Variants in MSH3 observed in about 807,000 individuals in gnomAD.
MSH3 encodes mutS homolog 3.
MSH3 carries 106 observed loss-of-function variants against 123.3 expected under a neutral mutation model. The observed-to-expected ratio is 0.86, with a 90% CI of 0.73 to 1.01. MSH3 has a LOEUF of 1.01. Among genes scored for constraint, MSH3 ranks in the 50% least tolerant of loss-of-function variants. The pLI is 0.00. For missense variants in MSH3, 1,459 were observed against 1,347.6 expected, an observed-to-expected ratio of 1.08 and a Z score of -1.29; for synonymous variants, 515 against 481.4, an observed-to-expected ratio of 1.07 and a Z score of -0.91.
intron 8 of MSH3, among the ~76,000 whole-genome samples, 197 bp downstream of exon 8, chr5:80,679,290 G>A (rs1160085671): frequency 6.6e-6 from 1 of 152,070 alleles, no homozygotes; most frequent in Admixed American, 6.6e-5. Context: ...TCAGCCACTT[G>A]GGAGGCTGAG....
chr5:80,672,418 C>A, intron 5 of MSH3, 58 bp downstream of exon 5: 1 of 1,299,602 alleles, frequency 7.7e-7, no homozygotes, highest in Non-Finnish European at 1.1e-6. Context: ...CCAGAGAGTG[C>A]AAACGTGTTT....
chr5:80,861,695 C>T (rs12522132), intron 21 of MSH3, among the ~76,000 whole-genome samples: 23,867 of 152,092 alleles, frequency 0.16, 1,962 homozygotes, highest in East Asian at 0.24. Context: ...GGTTCCCCTG[C>T]ACTTTTTGAC....
intron 19 of MSH3, among the ~76,000 whole-genome samples, chr5:80,803,641 A>G (rs1393833467): frequency 1.3e-5 from 2 of 151,712 alleles, no homozygotes; most frequent in Admixed American, 6.6e-5. Flanking sequence ...TTTCTCAAGA[A>G]GTTATTGCCC....
Position 80,782,154 on chromosome 5 carries a change from A to G in MSH3, c.2435+3318A>G, listed in dbSNP as rs547220192. 1.2e-4 allele frequency among the ~76,000 whole-genome samples: 19 copies of G among 152,282 alleles called. 1 individual carries two copies. In the East Asian group the frequency reaches 2.5e-3, roughly 20 times the overall value. ...TATACATATGAACATACATACATAT[A>G]TATATGTATATGTAGACTCAAAATG... On this transcript the variant is annotated intron_variant, in intron 17 of 23. Coordinates refer to ENST00000265081, the MANE Select transcript of MSH3 (RefSeq NM_002439.5).
At chr5:80,750,007 C>G (rs983049733) in intron 12 of MSH3, among the ~76,000 whole-genome samples, 1 of 150,262 alleles carries the variant, frequency 6.7e-6, no homozygotes, top group Non-Finnish European at 1.5e-5. Flanking sequence ...GCATTATGTC[C>G]TCTAGGTTCA....
intron 13 of MSH3, among the ~76,000 whole-genome samples, chr5:80,765,375 C>G (rs1483870712): frequency 1.3e-5 from 2 of 152,102 alleles, no homozygotes; most frequent in Non-Finnish European, 2.9e-5. Context: ...TTTAAACAGT[C>G]CAGCTTCCTG....
At chr5:80,786,330 T>C (rs1744508827) in intron 17 of MSH3, among the ~76,000 whole-genome samples, 1 of 152,154 alleles carries the variant, frequency 6.6e-6, no homozygotes, top group Non-Finnish European at 1.5e-5. Flanking sequence ...AACTGCTTTT[T>C]CTCTCTGAAC....
At chr5:80,874,854 A>G (rs1252906454) in intron 23 of MSH3, among the ~76,000 whole-genome samples, 1 of 152,262 alleles carries the variant, frequency 6.6e-6, no homozygotes, top group Non-Finnish European at 1.5e-5. Context: ...CTATGAAGTT[A>G]TCTTGACAAG....
chr5:80,691,125 T>C (rs1182205502), intron 8 of MSH3, among the ~76,000 whole-genome samples: 2 of 152,028 alleles, frequency 1.3e-5, no homozygotes, highest in Non-Finnish European at 2.9e-5. Context: ...AACTGAAAAG[T>C]AGTTAATATT....
rs191567529 is a variant in MSH3 at position 80,803,197 on chromosome 5, G to A, written c.2655+10353G>A. On this transcript the variant is annotated intron_variant, in intron 19 of 23. Coordinates refer to ENST00000265081, the MANE Select transcript of MSH3 (RefSeq NM_002439.5). Reference sequence around the variant, plus strand: ...GTTGTACTAACTTACGTTCCTACCAGTAGTGTACAAGAGTTACCTTTTCTC... The same window carrying A: ...GTTGTACTAACTTACGTTCCTACCAATAGTGTACAAGAGTTACCTTTTCTC... Among the ~76,000 whole-genome samples the A allele has an allele frequency of 3.0e-4, 45 of 152,202 alleles. 1 individual carries two copies. The East Asian group carries it at 7.0e-3, about 24-fold the overall frequency.
intron 8 of MSH3, among the ~76,000 whole-genome samples, chr5:80,712,655 G>A (rs1052040655): frequency 1.3e-5 from 2 of 150,656 alleles, no homozygotes; most frequent in African/African-American, 2.4e-5. Context: ...GGTGAATTTA[G>A]CCCTTTAATA....
At chr5:80,680,749 C>T (rs1225598426) in intron 8 of MSH3, among the ~76,000 whole-genome samples, 1 of 152,062 alleles carries the variant, frequency 6.6e-6, no homozygotes, top group Non-Finnish European at 1.5e-5. Context: ...TTTCTCTCTC[C>T]CTTGATTATT....
At chr5:80,784,246 T>G (rs857285) in intron 17 of MSH3, among the ~76,000 whole-genome samples, 13 of 99,910 alleles carry the variant, frequency 1.3e-4, no homozygotes, top group Middle Eastern at 5.6e-3. Context: ...AAAAGGGAAA[T>G]AAATAAATAA....
intron 15 of MSH3, among the ~76,000 whole-genome samples, chr5:80,769,790 G>C (rs936259277): frequency 6.6e-6 from 1 of 151,882 alleles, no homozygotes; most frequent in African/African-American, 2.4e-5. Context: ...ATATTTTTCC[G>C]GTGGGGAAGA....
At chr5:80,824,021 A>G (rs1421596881) in intron 20 of MSH3, among the ~76,000 whole-genome samples, 6 of 152,240 alleles carry the variant, frequency 3.9e-5, no homozygotes, top group South Asian at 2.1e-4. Context: ...GGGCAAGGTC[A>G]TAGATCAACA....
At chr5:80,767,624 A>G (rs1157163201) in intron 13 of MSH3, among the ~76,000 whole-genome samples, 1 of 152,106 alleles carries the variant, frequency 6.6e-6, no homozygotes, top group Non-Finnish European at 1.5e-5. Flanking sequence ...CCTTACAGAT[A>G]TTATCCTTCA....
chr5:80,822,557 G>A (rs549405364), intron 20 of MSH3, among the ~76,000 whole-genome samples: 2 of 152,290 alleles, frequency 1.3e-5, no homozygotes, highest in South Asian at 4.1e-4. Context: ...AAAACAAAAA[G>A]TTCGATAATA....
intron 19 of MSH3, among the ~76,000 whole-genome samples, chr5:80,801,401 A>G (rs1744788203): frequency 6.6e-6 from 1 of 150,788 alleles, no homozygotes; most frequent in Non-Finnish European, 1.5e-5. Flanking sequence ...TGTTTACTAG[A>G]GTGCCTGATG....
At chr5:80,813,883 G>T (rs948866776) in intron 20 of MSH3, 142 bp downstream of exon 20, 1 of 930,082 alleles carries the variant, frequency 1.1e-6, no homozygotes, top group Non-Finnish European at 1.7e-6. Flanking sequence ...TTTCAAGGCC[G>T]GGCACGGTGG....
Sources: gnomAD v4.1 joint callset for allele counts (sites outside exome capture counted in the v4.1 genomes callset) on GRCh38, gnomAD v4.1.1 for gene constraint, MANE v1.5 for transcripts, NCBI Gene and HGNC (gene_info 2026-07-23, HGNC 2026-07-21) for gene names.